The following C1orf87 variants were observed in gnomAD, a reference collection of about 807,000 sequenced individuals.
The protein encoded by C1orf87 is chromosome 1 open reading frame 87, also known as uncharacterized protein C1orf87.
A neutral mutation model predicts 60.5 loss-of-function variants in C1orf87; 58 were observed. The ratio of observed to expected loss-of-function variants is 0.96; its 90% CI spans 0.78 to 1.19. The LOEUF is 1.19. C1orf87 is among the 50% of genes most tolerant of loss of function. C1orf87 has a pLI of 0.00. For missense variants in C1orf87, 673 were observed against 638.6 expected (o/e 1.05, Z -0.58); for synonymous variants, 236 against 227.4 (o/e 1.04, Z -0.34).
At chr1:60,057,397 G>C (rs1645464823) in intron 2 of C1orf87, among the ~76,000 whole-genome samples, 1 of 152,192 alleles carries the variant, frequency 6.6e-6, no homozygotes, top group Non-Finnish European at 1.5e-5. Flanking sequence ...TTGGCTGCAA[G>C]AAGGGAGAAA....
chr1:59,992,183 C>A (rs1028895477), intron 11 of C1orf87, among the ~76,000 whole-genome samples: 4 of 151,794 alleles, frequency 2.6e-5, no homozygotes, highest in African/African-American at 9.7e-5. Context: ...CACTACAGTA[C>A]GTTATGGAAT....
intron 11 of C1orf87, among the ~76,000 whole-genome samples, chr1:59,995,378 C>T (rs1644956341): frequency 6.6e-6 from 1 of 152,182 alleles, no homozygotes; most frequent in Non-Finnish European, 1.5e-5. Context: ...TCCATCTCAG[C>T]TTTCATTATG....
rs779343625 is a variant in C1orf87, at chr1:59,997,809, G to A, written c.1280C>T (p.Pro427Leu). 1.2e-5 allele frequency: 19 copies of A among 1,612,934 alleles called. No homozygotes were observed. The highest frequency in any genetic ancestry group is 1.3e-5 in the Non-Finnish European group (15 of 1,179,666). Reference sequence around the variant, plus strand: ...GCTTTCTGGCTGCAGCTCCTCTTCTGGAGTTTTCTACCAAAACAACAAAAG... The same window carrying A: ...GCTTTCTGGCTGCAGCTCCTCTTCTAGAGTTTTCTACCAAAACAACAAAAG... ...SQSKTEHMKTPEEELQPESSP... is the reference protein window; with the variant it reads ...SQSKTEHMKTLEEELQPESSP... The change falls in exon 11 of 12, where the codon CCA becomes CTA. Residue 427 changes from proline to leucine, a missense_variant. Coordinates refer to ENST00000371201, the MANE Select transcript of C1orf87 (RefSeq NM_152377.3).
chr1:60,042,266 T>G (rs1322819890), intron 3 of C1orf87, among the ~76,000 whole-genome samples: 1 of 151,826 alleles, frequency 6.6e-6, no homozygotes, highest in Non-Finnish European at 1.5e-5. Context: ...CGGAGTCTTG[T>G]TTTTTTTACC....
chr1:60,064,944 TATA>T (rs1645531612), intron 2 of C1orf87, among the ~76,000 whole-genome samples: 1 of 54,402 alleles, frequency 1.8e-5, no homozygotes, highest in South Asian at 6.2e-4. Context: ...ATATAAAATA[TATA>T]ATAAATATAT....
At chr1:60,027,626 C>T (rs1010315510) in intron 7 of C1orf87, among the ~76,000 whole-genome samples, 4 of 151,992 alleles carry the variant, frequency 2.6e-5, no homozygotes, top group South Asian at 2.1e-4. Context: ...AGCTCATCTT[C>T]GTTTTTCTTT....
chr1:60,039,123 T>C (rs1307306640), intron 5 of C1orf87, among the ~76,000 whole-genome samples: 1 of 152,194 alleles, frequency 6.6e-6, no homozygotes, highest in Non-Finnish European at 1.5e-5. Context: ...GATGAGATCA[T>C]TGAGGCATGG....
chr1:60,010,663 A>G (rs1318961440), intron 8 of C1orf87, among the ~76,000 whole-genome samples: 1 of 151,990 alleles, frequency 6.6e-6, no homozygotes, highest in Non-Finnish European at 1.5e-5. Context: ...AGCCATTAGA[A>G]CAGAAAGTTC....
intron 9 of C1orf87, among the ~76,000 whole-genome samples, chr1:60,006,626 A>G (rs780303516): frequency 2.0e-5 from 3 of 151,984 alleles, no homozygotes; most frequent in Non-Finnish European, 4.4e-5. Context: ...TCTCTTGTTC[A>G]CAGGCTCCAC....
chr1:59,997,778 A>C lies in C1orf87; in HGVS notation c.1311T>G (p.Pro437=), dbSNP rs1334465683. The C allele has an allele frequency of 1.9e-6, 3 of 1,613,762 alleles. No homozygotes were observed. In the African/African-American group the frequency reaches 4.0e-5, roughly 22 times the overall value. ...GATCTTTGCAGGCTGAAGTTTCAGCAGGAGAGCTTTCTGGCTGCAGCTCCT... is the reference window on the plus strand; with the variant it reads ...GATCTTTGCAGGCTGAAGTTTCAGCCGGAGAGCTTTCTGGCTGCAGCTCCT... ...PEEELQPESS[P]AETSACKDPL... Residue 437 remains proline, a synonymous_variant, in exon 11 of 12, where the codon CCT becomes CCG. Transcript: ENST00000371201.
At chr1:60,063,407 G>C (rs1645510133) in intron 2 of C1orf87, among the ~76,000 whole-genome samples, 1 of 152,030 alleles carries the variant, frequency 6.6e-6, no homozygotes, top group South Asian at 2.1e-4. Context: ...TCACTCCCAA[G>C]TTACTCACCA....
chr1:60,010,205 A>G (rs1186985453), intron 9 of C1orf87, among the ~76,000 whole-genome samples, 187 bp downstream of exon 9: 1 of 152,008 alleles, frequency 6.6e-6, no homozygotes, highest in Non-Finnish European at 1.5e-5. Context: ...TTATGATCCA[A>G]CTGGCCTAAA....
At chr1:60,042,493 A>G (rs1645333131) in intron 3 of C1orf87, among the ~76,000 whole-genome samples, 1 of 152,238 alleles carries the variant, frequency 6.6e-6, no homozygotes, top group Non-Finnish European at 1.5e-5. Flanking sequence ...TTTTATAGTC[A>G]TGAACATTTT....
chr1:60,001,927 A>G (rs929464043), intron 9 of C1orf87, among the ~76,000 whole-genome samples: 1 of 152,054 alleles, frequency 6.6e-6, no homozygotes, highest in African/African-American at 2.4e-5. Context: ...ATGCAGGAAA[A>G]ACACAAACAA....
At chr1:59,995,739 G>A (rs1355575005) in intron 11 of C1orf87, among the ~76,000 whole-genome samples, 4 of 152,120 alleles carry the variant, frequency 2.6e-5, no homozygotes, top group Non-Finnish European at 5.9e-5. Context: ...GCCTTCATTT[G>A]TCTCAAACTC....
At chr1:60,063,220 A>G (rs1645508728) in intron 2 of C1orf87, among the ~76,000 whole-genome samples, 2 of 152,210 alleles carry the variant, frequency 1.3e-5, no homozygotes, top group South Asian at 4.1e-4. Context: ...AAAAGTAGTA[A>G]ACAAAGATAA....
chr1:60,039,403 T>C (rs182878298), intron 5 of C1orf87, among the ~76,000 whole-genome samples: 19 of 152,342 alleles, frequency 1.2e-4, no homozygotes, highest in Middle Eastern at 6.8e-3. Flanking sequence ...GGCCCTGTCA[T>C]TGGGAAATTT....
At chr1:60,009,746 C>A (rs1260343870) in intron 9 of C1orf87, among the ~76,000 whole-genome samples, 1 of 151,942 alleles carries the variant, frequency 6.6e-6, no homozygotes, top group African/African-American at 2.4e-5. Flanking sequence ...AGATTAATAT[C>A]AATGCATATT....
intron 8 of C1orf87, among the ~76,000 whole-genome samples, chr1:60,013,588 T>G (rs1645104204): frequency 6.6e-6 from 1 of 152,072 alleles, no homozygotes; most frequent in South Asian, 2.1e-4. Context: ...GTTTTCTAAA[T>G]TTTTCTTAGA....
Sources: allele counts gnomAD v4.1 joint callset (sites outside exome capture counted in the v4.1 genomes callset), GRCh38; gene constraint gnomAD v4.1.1; transcripts MANE v1.5; gene names NCBI Gene and HGNC (gene_info 2026-07-23, HGNC 2026-07-21).